Variants in IL1RAPL2 observed in about 807,000 individuals in gnomAD.
IL1RAPL2 encodes X-linked interleukin-1 receptor accessory protein-like 2.
IL1RAPL2 carries 3 observed loss-of-function variants against 44.1 expected under a neutral mutation model. The observed-to-expected ratio is 0.07, with a 90% CI of 0.03 to 0.18. The LOEUF (loss-of-function observed/expected upper bound fraction) is 0.18. IL1RAPL2 is among the 10% of genes least tolerant of loss of function. The probability of loss-of-function intolerance (pLI) is 1.00; values close to 1 mark genes in which losing one functional copy is unlikely to be tolerated. For synonymous variants in IL1RAPL2, 181 were observed against 178.8 expected (o/e 1.01, Z -0.10); for missense variants, 391 against 496.4 (o/e 0.79, Z 2.02).
At chrX:105,042,566 A>T in intron 2 of IL1RAPL2, among the ~76,000 whole-genome samples, 1 of 105,916 alleles carries the variant, frequency 9.4e-6, no homozygotes, top group Non-Finnish European at 2.0e-5. Flanking sequence ...ATCATTAAAA[A>T]GTCAGGAAAC....
intron 6 of IL1RAPL2, among the ~76,000 whole-genome samples, chrX:105,699,917 G>A (rs1297381910): frequency 9.0e-6 from 1 of 111,425 alleles, no homozygotes; most frequent in Non-Finnish European, 1.9e-5. Flanking sequence ...TGCCTTCTAG[G>A]TAAAAGCGAA....
chrX:105,120,089 A>G (rs777081466), intron 2 of IL1RAPL2, among the ~76,000 whole-genome samples: 1 of 109,534 alleles, frequency 9.1e-6, no homozygotes, highest in Non-Finnish European at 1.9e-5. Flanking sequence ...ACAGTCTGAC[A>G]CTAGAATTTT....
chrX:104,761,986 T>C (rs760087452), intron 2 of IL1RAPL2, among the ~76,000 whole-genome samples: 4 of 93,899 alleles, frequency 4.3e-5, no homozygotes, highest in African/African-American at 1.2e-4. Context: ...TTCTTCTTCC[T>C]CCTCCTCCTC....
intron 2 of IL1RAPL2, among the ~76,000 whole-genome samples, chrX:105,070,036 G>A (rs1377184966): frequency 1.8e-5 from 2 of 111,685 alleles, no homozygotes; most frequent in Admixed American, 9.6e-5. Context: ...AATATGCCTT[G>A]GTAATCTCTT....
intron 2 of IL1RAPL2, among the ~76,000 whole-genome samples, chrX:104,781,896 C>T (rs1209687232): frequency 1.8e-5 from 2 of 111,254 alleles, no homozygotes; most frequent in Non-Finnish European, 3.8e-5. Flanking sequence ...GAAGTGGGGG[C>T]ATTTGAGAAT....
chrX:105,360,787 G>A (rs765136066), intron 5 of IL1RAPL2, among the ~76,000 whole-genome samples: 1 of 111,151 alleles, frequency 9.0e-6, no homozygotes, highest in South Asian at 3.8e-4. Context: ...ATAATATTTT[G>A]CCAAATGACT....
chrX:104,718,610 ACCTTCCAC>A (rs1931622420), intron 2 of IL1RAPL2, among the ~76,000 whole-genome samples: 2 of 110,399 alleles, frequency 1.8e-5, no homozygotes, highest in African/African-American at 6.6e-5. Context: ...TTTCCCCTTC[ACCTTCCAC>A]CGTGATTGTA....
intron 3 of IL1RAPL2, among the ~76,000 whole-genome samples, chrX:105,201,147 A>C (rs1244257742): frequency 8.9e-6 from 1 of 111,886 alleles, no homozygotes; most frequent in Non-Finnish European, 1.9e-5. Flanking sequence ...GGTTCTCAAA[A>C]TCTGAATGCC....
At chrX:104,847,361 A>T (rs1922083238) in intron 2 of IL1RAPL2, among the ~76,000 whole-genome samples, 1 of 111,593 alleles carries the variant, frequency 9.0e-6, no homozygotes, top group African/African-American at 3.3e-5. Context: ...TCTTGAATTA[A>T]TTTTTGTATA....
intron 2 of IL1RAPL2, among the ~76,000 whole-genome samples, chrX:105,075,233 G>T (rs1415080342): frequency 4.0e-4 from 45 of 111,464 alleles, no homozygotes; most frequent in Middle Eastern, 4.2e-3. Context: ...CCTAATTTCT[G>T]GAGAGTTTTT....
intron 2 of IL1RAPL2, among the ~76,000 whole-genome samples, chrX:104,887,797 A>G (rs1277959532): frequency 9.0e-6 from 1 of 111,270 alleles, no homozygotes; most frequent in East Asian, 2.8e-4. Flanking sequence ...CTATATACCG[A>G]TGGAAGTTCA....
chrX:104,645,000 C>A (rs1930006721), intron 1 of IL1RAPL2, among the ~76,000 whole-genome samples: 1 of 111,523 alleles, frequency 9.0e-6, no homozygotes, highest in Non-Finnish European at 1.9e-5. Flanking sequence ...CACTTGATCA[C>A]CCAGCGTTTA....
intron 6 of IL1RAPL2, among the ~76,000 whole-genome samples, chrX:105,529,427 A>G (rs773613783): frequency 4.5e-5 from 5 of 111,131 alleles, no homozygotes; most frequent in African/African-American, 1.6e-4. Flanking sequence ...GATGGTTGCA[A>G]CCTGGTCATT....
chrX:105,075,468 A>T (rs773986377), intron 2 of IL1RAPL2, among the ~76,000 whole-genome samples: 2 of 111,642 alleles, frequency 1.8e-5, no homozygotes, highest in Admixed American at 1.9e-4. Context: ...GGATTTTTGC[A>T]TCAATGTTCA....
chrX:105,315,576 A>ATGTG (rs1357751941), intron 5 of IL1RAPL2, among the ~76,000 whole-genome samples: 6 of 42,720 alleles, frequency 1.4e-4, no homozygotes, highest in African/African-American at 2.1e-4. Flanking sequence ...GAACTAATGG[A>ATGTG]TGTATATATA....
intron 2 of IL1RAPL2, among the ~76,000 whole-genome samples, chrX:105,152,533 C>A (rs978051834): frequency 2.7e-5 from 3 of 112,077 alleles, no homozygotes; most frequent in African/African-American, 9.7e-5. Context: ...TTCTGACTAT[C>A]CATATGTAGT....
intron 2 of IL1RAPL2, among the ~76,000 whole-genome samples, chrX:105,062,189 A>G (rs752980424): frequency 9.1e-6 from 1 of 110,385 alleles, no homozygotes; most frequent in South Asian, 3.8e-4. Context: ...ATTTTTGTGT[A>G]TCCACTGTAT....
At chrX:104,806,861 G>A (rs1356399896) in intron 2 of IL1RAPL2, among the ~76,000 whole-genome samples, 1 of 111,907 alleles carries the variant, frequency 8.9e-6, no homozygotes, top group African/African-American at 3.2e-5. Flanking sequence ...GATTTACTGA[G>A]ATAATCCACG....
intron 6 of IL1RAPL2, among the ~76,000 whole-genome samples, chrX:105,497,815 G>C (rs1482204707): frequency 1.8e-5 from 2 of 111,853 alleles, no homozygotes; most frequent in Non-Finnish European, 3.8e-5. Flanking sequence ...CAGAACAAAA[G>C]ATAAAAATCT....
Sources: allele counts gnomAD v4.1 joint callset (sites outside exome capture counted in the v4.1 genomes callset), GRCh38; gene constraint gnomAD v4.1.1; transcripts MANE v1.5; gene names NCBI Gene and HGNC (gene_info 2026-07-23, HGNC 2026-07-21).